POLE2: variants seen among roughly 807,000 people sequenced by gnomAD.
The protein encoded by POLE2 is DNA polymerase epsilon subunit 2.
Under a neutral mutation model 79.4 loss-of-function variants are expected in POLE2, and 56 were observed. The observed-to-expected ratio is 0.71, with a 90% CI of 0.57 to 0.88. The LOEUF (loss-of-function observed/expected upper bound fraction) is 0.88, where lower values mean the gene tolerates loss of function less well. Among genes scored for constraint, POLE2 ranks in the 40% least tolerant of loss-of-function variants. POLE2 has a pLI of 0.00. For synonymous variants in POLE2, 212 were observed against 214.0 expected (o/e 0.99, Z 0.08); for missense variants, 598 against 638.9 (o/e 0.94, Z 0.69).
chr14:49,654,096 T>C (rs750150089), intron 14 of POLE2, 29 bp from the exon 15 acceptor site: 3 of 1,586,742 alleles, frequency 1.9e-6, no homozygotes, highest in Middle Eastern at 1.7e-4. Context: ...TGATATAGTT[T>C]ATCTTTTTAA....
At chr14:49,684,618 A>G (rs1247005285) in intron 1 of POLE2, 2 of 149,764 alleles carry the variant, frequency 1.3e-5, no homozygotes, top group Non-Finnish European at 3.0e-5. Context: ...CAATACACAT[A>G]TGGTAAGGCA....
intron 3 of POLE2, chr14:49,677,689 G>A (rs1886383626): frequency 2.4e-6 from 3 of 1,248,188 alleles, no homozygotes; most frequent in South Asian, 1.5e-5. Context: ...ACGAAATGGT[G>A]TTCAAGAAAC....
At chr14:49,685,200 T>C (rs931898194) in intron 1 of POLE2, among the ~76,000 whole-genome samples, 2 of 152,222 alleles carry the variant, frequency 1.3e-5, no homozygotes, top group African/African-American at 4.8e-5. Flanking sequence ...TCACATATTA[T>C]TGTTATAGCC....
chr14:49,677,383 G>C (rs1886357891), intron 3 of POLE2: 2 of 490,288 alleles, frequency 4.1e-6, no homozygotes, highest in African/African-American at 3.9e-5. Context: ...ATCTACAGCG[G>C]CTTGAGGCCA....
At chr14:49,682,473 C>A (rs1452526013) in intron 2 of POLE2, among the ~76,000 whole-genome samples, 3 of 150,804 alleles carry the variant, frequency 2.0e-5, no homozygotes, top group Non-Finnish European at 3.0e-5. Context: ...CTCGTCTCCA[C>A]TAAAAATACA....
intron 16 of POLE2, among the ~76,000 whole-genome samples, chr14:49,650,956 A>G (rs1884177091): frequency 6.6e-6 from 1 of 152,202 alleles, no homozygotes. Flanking sequence ...GATAAATAAG[A>G]ACAGTTTATT....
At chr14:49,649,497 T>A in intron 17 of POLE2, among the ~76,000 whole-genome samples, 1 of 150,908 alleles carries the variant, frequency 6.6e-6, no homozygotes, top group African/African-American at 2.4e-5. Flanking sequence ...TCGCCCAGGC[T>A]GGAGTGCAAT....
At chr14:49,647,702 C>T (rs1883886232) in intron 17 of POLE2, among the ~76,000 whole-genome samples, 3 of 152,184 alleles carry the variant, frequency 2.0e-5, no homozygotes, top group African/African-American at 2.4e-5. Context: ...AGGTGATCTG[C>T]TCACCTCGGC....
chr14:49,665,274 T>A (rs188775411), intron 7 of POLE2, 111 bp from the exon 8 acceptor site: 705 of 625,420 alleles, frequency 1.1e-3, no homozygotes, highest in Non-Finnish European at 1.3e-4. Flanking sequence ...AAGTGGATTT[T>A]AAAAATCAGC....
rs1214790295 is a variant in POLE2, at chr14:49,658,627, A to C, written c.756-2784T>G. 2.6e-5 allele frequency among the ~76,000 whole-genome samples: 4 copies of C among 152,206 alleles called. No homozygotes were observed. The East Asian group carries it at 7.7e-4, about 29-fold the overall frequency. Reference sequence around the variant, plus strand: ...AAACGTTTTGGCAATGACGGACTGCATATATGAGTGGTTTCACAGAATGAT... The same window carrying C: ...AAACGTTTTGGCAATGACGGACTGCCTATATGAGTGGTTTCACAGAATGAT... On this transcript the variant is annotated intron_variant, in intron 10 of 18. Transcript: ENST00000216367.
intron 17 of POLE2, among the ~76,000 whole-genome samples, chr14:49,649,199 T>G (rs1265750592): frequency 1.5e-5 from 2 of 136,542 alleles, no homozygotes; most frequent in South Asian, 2.2e-4. Context: ...CAGGCTGGAG[T>G]GCAGTGGCGC....
intron 1 of POLE2, among the ~76,000 whole-genome samples, chr14:49,687,874 A>G (rs1021213553): frequency 3.7e-4 from 56 of 151,846 alleles, no homozygotes; most frequent in Non-Finnish European, 4.1e-4. Context: ...TAATTTTTGT[A>G]TTTTTAGTAG....
chr14:49,674,326 A>T, intron 4 of POLE2, 24 bp downstream of exon 4: 1 of 1,531,548 alleles, frequency 6.5e-7, no homozygotes, highest in Non-Finnish European at 9.0e-7. Context: ...AAATTAATTT[A>T]AAATCAGTGG....
In POLE2 at chr14:49,655,776, G is replaced by C; in HGVS notation, c.823C>G (p.Leu275Val). ...TTATTCTCCTCTTCTAGCTGTTTTA[G>C]TTTTGCAGAAGTCTTCACAGATGTA... is the stretch of plus-strand genomic sequence containing the variant. ...SNTSVKTSAK[L>V]KQLEEENKDA... Residue 275 changes from leucine (L) to valine (V), a missense_variant, in exon 11 of 19, where the codon CTA becomes GTA. Coordinates refer to ENST00000216367, the MANE Select transcript of POLE2 (RefSeq NM_002692.4). 1 of 1,606,864 alleles carries C rather than the reference G, an allele frequency of 6.2e-7. No homozygotes were observed. The highest frequency in any genetic ancestry group is 8.5e-7 in the Non-Finnish European group (1 of 1,174,184).
intron 10 of POLE2, among the ~76,000 whole-genome samples, chr14:49,657,682 C>A (rs918318667): frequency 1.1e-4 from 16 of 152,148 alleles, no homozygotes; most frequent in Non-Finnish European, 4.4e-5. Flanking sequence ...TCAAATGATT[C>A]ACCCTCCTCG....
intron 3 of POLE2, among the ~76,000 whole-genome samples, chr14:49,676,333 T>A (rs1886272787): frequency 6.6e-6 from 1 of 152,184 alleles, no homozygotes; most frequent in African/African-American, 2.4e-5. Flanking sequence ...CAAAAAAGAT[T>A]CATGCTACCC....
chr14:49,677,904 G>A, intron 3 of POLE2: 1 of 341,350 alleles, frequency 2.9e-6, no homozygotes, highest in Non-Finnish European at 5.3e-6. Context: ...ACAAAGCAGT[G>A]GCCATATTGA....
chr14:49,647,279 G>A lies in POLE2; in HGVS notation c.1565+14C>T, dbSNP rs1268384886. ...GAGAAAGATCTTTCTTGCTGTGTCT[G>A]TGCACACACTTACCTATCTTCTACT... On this transcript the variant is annotated intron_variant, in intron 18 of 18. Coordinates refer to ENST00000216367, the MANE Select transcript of POLE2 (RefSeq NM_002692.4). The A allele has an allele frequency of 1.5e-6, 2 of 1,326,556 alleles. No homozygotes were observed. Among genetic ancestry groups the A allele is most frequent in the Non-Finnish European group, 2.1e-6 (2 of 945,284 alleles). 82.2% of individuals were successfully genotyped at this position (1,326,556 alleles called of 1,614,324 possible).
At chr14:49,646,302 G>GTTTT (rs1162033821) in intron 18 of POLE2, among the ~76,000 whole-genome samples, 1,447 of 84,330 alleles carry the variant, frequency 0.017, 144 homozygotes, top group Non-Finnish European at 0.023. Context: ...TTTTTTGTTG[G>GTTTT]TTTTTTTTTT....
Sources: gnomAD v4.1 joint callset for allele counts (sites outside exome capture counted in the v4.1 genomes callset) on GRCh38, gnomAD v4.1.1 for gene constraint, MANE v1.5 for transcripts, NCBI Gene and HGNC (gene_info 2026-07-23, HGNC 2026-07-21) for gene names.